The following QSER1 variants were observed in gnomAD, a reference collection of about 807,000 sequenced individuals.
The protein encoded by QSER1 is glutamine and serine rich 1, also known as glutamine and serine-rich protein 1.
In QSER1, 49 loss-of-function variants were observed where a neutral mutation model predicts 158.5. The ratio of observed to expected loss-of-function variants is 0.31; its 90% CI spans 0.25 to 0.39. QSER1 has a LOEUF of 0.39. QSER1 is among the 10% of genes least tolerant of loss of function. The pLI, the probability that QSER1 is intolerant of heterozygous loss-of-function variation, is 1.00. For synonymous variants in QSER1, 650 were observed against 715.5 expected, an observed-to-expected ratio of 0.91 and a Z score of 1.46; for missense variants, 1,754 against 2,010.3, an observed-to-expected ratio of 0.87 and a Z score of 2.44.
chr11:32,902,055 T>G (rs1215412664), intron 1 of QSER1, among the ~76,000 whole-genome samples: 2 of 152,102 alleles, frequency 1.3e-5, no homozygotes. Flanking sequence ...TGCACTCCAG[T>G]GTGGGCATAG....
chr11:32,953,627 G>A (rs1016576766), intron 4 of QSER1, among the ~76,000 whole-genome samples: 12 of 152,174 alleles, frequency 7.9e-5, no homozygotes, highest in Non-Finnish European at 2.9e-5. Flanking sequence ...GCAGCGGGAG[G>A]ATAGGTAGAT....
At position 32,964,739 on chromosome 11, in the gene QSER1, TACACACACAC is replaced by T. The variant is rs1176492165; in HGVS notation, c.4970-1527_4970-1518del. On this transcript the variant is annotated intron_variant, in intron 8 of 12. Coordinates refer to ENST00000650167, the MANE Select transcript of QSER1 (RefSeq NM_001076786.3). ...CACCATATATATATATATATATATATACACACACACACACACACACACACACACACACACA... is the reference window on the plus strand; with the variant it reads ...CACCATATATATATATATATATATATACACACACACACACACACACACACA... Among the ~76,000 whole-genome samples the T allele has an allele frequency of 6.7e-4, 68 of 100,748 alleles. 2 individuals are homozygous for T. In the East Asian group the frequency reaches 7.7e-3, roughly 11 times the overall value. 66.1% of individuals were successfully genotyped at this position (100,748 alleles called of 152,430 possible).
chr11:32,894,503 A>G (rs1443862325), intron 1 of QSER1, among the ~76,000 whole-genome samples: 1 of 152,236 alleles, frequency 6.6e-6, no homozygotes, highest in Non-Finnish European at 1.5e-5. Context: ...TCACGACAGA[A>G]GTGAACTTTT....
Position 32,979,331 on chromosome 11 carries a change from C to T in QSER1, c.*2857C>T, listed in dbSNP as rs544993238. The T allele has an allele frequency of 3.6e-4, 55 of 152,680 alleles. No homozygotes were observed. Among genetic ancestry groups the T allele is most frequent in the South Asian group, 3.3e-3 (16 of 4,828 alleles). 9.5% of individuals were successfully genotyped at this position (152,680 alleles called of 1,614,324 possible). A position where few individuals can be genotyped will look rare whatever the true frequency, so the allele number is the denominator to read the frequency against. On this transcript the variant is annotated 3_prime_UTR_variant, in exon 13 of 13. Transcript: ENST00000650167. ...TATTTTTAAGAAAGATTGGATTTTC[C>T]TACCTTTAGAGATCTAAAAAAAATT...
At chr11:32,944,735 G>A (rs1852300065) in intron 4 of QSER1, among the ~76,000 whole-genome samples, 2 of 135,128 alleles carry the variant, frequency 1.5e-5, no homozygotes, top group African/African-American at 5.6e-5. Context: ...GGAGAGTTCT[G>A]TAGATGTCTA....
At position 32,932,606 on chromosome 11, in the gene QSER1, T is replaced by G; in HGVS notation, c.1348T>G (p.Ser450Ala). The part of the protein sequence containing the change: ...KPLHNQSSVI[S>A]GQAQIYSTAQ... ...TTTACATAATCAGAGTTCTGTAATA[T>G]CGGGCCAAGCACAAATTTATTCTAC... Residue 450 changes from serine (S) to alanine (A), a missense_variant, in exon 4 of 13, where the codon TCG becomes GCG. Physicochemically the swap from Ser to Ala is moderately conservative, Grantham distance 99 (BLOSUM62 1). Coordinates refer to ENST00000650167, the MANE Select transcript of QSER1 (RefSeq NM_001076786.3). The G allele has an allele frequency of 1.2e-6, 2 of 1,614,112 alleles. No individual in the cohort carries two copies. Among genetic ancestry groups the G allele is most frequent in the Non-Finnish European group, 1.7e-6 (2 of 1,180,014 alleles).
At chr11:32,940,112 A>G (rs1030534479) in intron 4 of QSER1, among the ~76,000 whole-genome samples, 2 of 152,172 alleles carry the variant, frequency 1.3e-5, no homozygotes, top group African/African-American at 4.8e-5. Context: ...CCTTTTGCCA[A>G]CAAGACAAGC....
At chr11:32,960,476 T>C (rs1852603766) in intron 8 of QSER1, among the ~76,000 whole-genome samples, 1 of 152,090 alleles carries the variant, frequency 6.6e-6, no homozygotes, top group Non-Finnish European at 1.5e-5. Context: ...GGAGAATCAC[T>C]TGAACCCAAG....
chr11:32,928,203 G>A lies in QSER1; in HGVS notation c.484+80G>A, dbSNP rs1851999587. The A allele has an allele frequency of 3.6e-6, 3 of 840,368 alleles. No individual in the cohort carries two copies. In the Admixed American group the frequency reaches 6.8e-5, roughly 19 times the overall value. The allele number at this position is 840,368 out of a possible 1,614,324, so 52.1% of individuals were successfully genotyped here. ...TACATTTGATGGCCTTGTCATTGTG[G>A]CTGGGAGTTTTGTTACAATATTGAT... On this transcript the variant is annotated intron_variant, in intron 3 of 12. Coordinates refer to ENST00000650167, the MANE Select transcript of QSER1 (RefSeq NM_001076786.3).
At chr11:32,910,383 T>C (rs1851751339) in intron 1 of QSER1, among the ~76,000 whole-genome samples, 1 of 152,244 alleles carries the variant, frequency 6.6e-6, no homozygotes, top group Non-Finnish European at 1.5e-5. Flanking sequence ...CTTATCCTTT[T>C]ATTATATCCC....
intron 1 of QSER1, among the ~76,000 whole-genome samples, chr11:32,909,496 G>A (rs1453187243): frequency 6.6e-6 from 1 of 151,390 alleles, no homozygotes; most frequent in Non-Finnish European, 1.5e-5. Context: ...CTGGAGTGCA[G>A]TAGCACGATC....
intron 4 of QSER1, among the ~76,000 whole-genome samples, chr11:32,950,720 C>T (rs1365760207): frequency 6.6e-6 from 1 of 152,178 alleles, no homozygotes; most frequent in Non-Finnish European, 1.5e-5. Flanking sequence ...AAATCTTTCT[C>T]TCTCTGTAGA....
At chr11:32,919,325 T>A (rs571768432) in intron 1 of QSER1, among the ~76,000 whole-genome samples, 132 of 152,354 alleles carry the variant, frequency 8.7e-4, no homozygotes, top group Admixed American at 1.7e-3. Context: ...ATTGCTATGT[T>A]GCTCAGTCTG....
At chr11:32,922,508 A>T (rs1851912193) in intron 1 of QSER1, among the ~76,000 whole-genome samples, 1 of 137,382 alleles carries the variant, frequency 7.3e-6, no homozygotes. Context: ...TTTTTGAGCC[A>T]GAGTCTCACT....
At position 32,951,023 on chromosome 11, in the gene QSER1, C is replaced by T. The variant is rs1040926825; in HGVS notation, c.4178-2834C>T. 2.6e-5 allele frequency among the ~76,000 whole-genome samples: 4 copies of T among 152,124 alleles called. No homozygotes were observed. In the South Asian group the frequency reaches 8.3e-4, roughly 31 times the overall value. On this transcript the variant is annotated intron_variant, in intron 4 of 12. Transcript: ENST00000650167. ...ACATCCAGAAGTGGAATTCCTCAGT[C>T]ATATATCTGCATGGTTAATAGAGGA...
At chr11:32,903,588 A>T (rs550307216) in intron 1 of QSER1, among the ~76,000 whole-genome samples, 4 of 151,496 alleles carry the variant, frequency 2.6e-5, no homozygotes, top group Admixed American at 1.3e-4. Context: ...GTGCTTCAGT[A>T]AGTTTTTTAT....
chr11:32,954,234 T>C (rs1478724055), intron 5 of QSER1, 55 bp downstream of exon 5: 4 of 1,550,768 alleles, frequency 2.6e-6, no homozygotes, highest in East Asian at 2.3e-5. Flanking sequence ...GTGCCTGCGA[T>C]AGCCTTCATT....
At chr11:32,917,905 T>G (rs1851856398) in intron 1 of QSER1, among the ~76,000 whole-genome samples, 1 of 151,966 alleles carries the variant, frequency 6.6e-6, no homozygotes, top group Non-Finnish European at 1.5e-5. Flanking sequence ...GTTTTGTGCT[T>G]CAGTAATTAA....
At chr11:32,925,499 T>TTTAC (rs1467124796) in intron 1 of QSER1, among the ~76,000 whole-genome samples, 1 of 85,860 alleles carries the variant, frequency 1.2e-5, no homozygotes, top group East Asian at 2.2e-4. Flanking sequence ...CGCTTTTTTA[T>TTTAC]TTATTTATTT....
Sources: gnomAD v4.1 joint callset for allele counts (sites outside exome capture counted in the v4.1 genomes callset) on GRCh38, gnomAD v4.1.1 for gene constraint, MANE v1.5 for transcripts, NCBI Gene and HGNC (gene_info 2026-07-23, HGNC 2026-07-21) for gene names.